Variants in SLC12A2 observed in about 807,000 individuals in gnomAD.
The protein encoded by SLC12A2 is solute carrier family 12 member 2.
In SLC12A2, 67 loss-of-function variants were observed where a neutral mutation model predicts 136.3. The observed-to-expected ratio is 0.49, with a 90% CI of 0.40 to 0.60. SLC12A2 has a LOEUF of 0.60. Ranked by LOEUF, SLC12A2 falls within the 20% of genes least tolerant of loss-of-function variation. The pLI is 0.00. For missense variants in SLC12A2, 1,322 were observed against 1,534.7 expected (o/e 0.86, Z 2.32); for synonymous variants, 619 against 562.9 (o/e 1.10, Z -1.41).
At chr5:128,126,296 C>T (rs1420868383) in intron 4 of SLC12A2, among the ~76,000 whole-genome samples, 1 of 152,072 alleles carries the variant, frequency 6.6e-6, no homozygotes, top group Non-Finnish European at 1.5e-5. Context: ...AGAAGATATA[C>T]AAATGGCAAG....
chr5:128,182,605 G>A (rs1005921100), intron 23 of SLC12A2, among the ~76,000 whole-genome samples: 2 of 152,018 alleles, frequency 1.3e-5, no homozygotes, highest in Admixed American at 6.6e-5. Context: ...TATTATTAAT[G>A]TCTTTGTCCA....
chr5:128,090,886 G>A (rs1184784379), intron 1 of SLC12A2, among the ~76,000 whole-genome samples: 6 of 152,124 alleles, frequency 3.9e-5, no homozygotes, highest in Non-Finnish European at 5.9e-5. Flanking sequence ...ACCAAATAGC[G>A]CAGAACCTTG....
At chr5:128,162,127 TTG>T in intron 17 of SLC12A2, among the ~76,000 whole-genome samples, 1 of 152,290 alleles carries the variant, frequency 6.6e-6, no homozygotes, top group East Asian at 1.9e-4. Flanking sequence ...TCCGTTTCTG[TTG>T]TGTGTTTCTT....
chr5:128,125,524 A>G (rs771135883), intron 4 of SLC12A2, among the ~76,000 whole-genome samples: 1 of 152,116 alleles, frequency 6.6e-6, no homozygotes, highest in Non-Finnish European at 1.5e-5. Context: ...ACTGATTTGT[A>G]GATTTTTCTA....
chr5:128,124,838 T>C (rs924343678), intron 4 of SLC12A2, among the ~76,000 whole-genome samples: 1 of 152,162 alleles, frequency 6.6e-6, no homozygotes, highest in Non-Finnish European at 1.5e-5. Context: ...AATCACATAG[T>C]TGTTCCTCTA....
intron 1 of SLC12A2, chr5:128,109,797 G>C (rs556099189): frequency 1.2e-6 from 1 of 813,552 alleles, no homozygotes; most frequent in African/African-American, 1.7e-5. Context: ...ATGTGTGCAG[G>C]CTACAAAAAT....
Position 128,149,902 on chromosome 5 carries a change from TGTTAC to T in SLC12A2, c.2006-91_2006-87del, listed in dbSNP as rs1023079577. 1.0e-4 allele frequency: 82 copies of T among 807,364 alleles called. 1 individual carries two copies. The highest frequency in any genetic ancestry group is 9.4e-4 in the East Asian group (37 of 39,164). The allele number at this position is 807,364 out of a possible 1,614,324, so 50.0% of individuals were successfully genotyped here. On this transcript the variant is annotated intron_variant, in intron 12 of 26. Coordinates refer to ENST00000262461, the MANE Select transcript of SLC12A2 (RefSeq NM_001046.3). ...TGAAAGCTGGATGGTGGTTATGGGG[TGTTAC>T]GTTGTTATCTAAAGATTTGAAATAC...
chr5:128,101,739 A>C lies in SLC12A2; in HGVS notation c.757-11075A>C, dbSNP rs574729964. On this transcript the variant is annotated intron_variant, in intron 1 of 26. Transcript: ENST00000262461. ...TGTAAAGTGTGTATCAGTGCCACTA[A>C]GGCAAATAGGAAAGAGTTTATCATT... is the stretch of plus-strand genomic sequence containing the variant. 2.0e-5 allele frequency among the ~76,000 whole-genome samples: 3 copies of C among 152,346 alleles called. No individual in the cohort carries two copies. The South Asian group carries it at 6.2e-4, about 32-fold the overall frequency.
chr5:128,121,130 A>T (rs1047010577), intron 4 of SLC12A2, among the ~76,000 whole-genome samples: 1 of 152,212 alleles, frequency 6.6e-6, no homozygotes, highest in Non-Finnish European at 1.5e-5. Context: ...TTTAGAGATT[A>T]AACAGATATC....
At chr5:128,103,213 T>C (rs1760808221) in intron 1 of SLC12A2, among the ~76,000 whole-genome samples, 1 of 152,212 alleles carries the variant, frequency 6.6e-6, no homozygotes, top group Non-Finnish European at 1.5e-5. Context: ...ACCGGGATCA[T>C]ATGAGAGTTT....
intron 12 of SLC12A2, 128 bp downstream of exon 12, chr5:128,149,005 A>G: frequency 1.3e-6 from 1 of 772,562 alleles, no homozygotes; most frequent in Non-Finnish European, 2.0e-6. Context: ...AAAGTTTATA[A>G]AGTACTGTAA....
chr5:128,089,014 C>A (rs186441853), intron 1 of SLC12A2, among the ~76,000 whole-genome samples: 2,541 of 151,812 alleles, frequency 0.017, 61 homozygotes, highest in African/African-American at 0.055. Context: ...ACTAAAAATA[C>A]AAAATTAGCC....
intron 25 of SLC12A2, 112 bp from the exon 26 acceptor site, chr5:128,184,677 T>C (rs1763813852): frequency 6.5e-7 from 1 of 1,545,018 alleles, no homozygotes; most frequent in South Asian, 1.2e-5. Flanking sequence ...AACAGATATT[T>C]TTATTACACG....
At chr5:128,130,949 A>T in intron 4 of SLC12A2, 118 bp from the exon 5 acceptor site, 1 of 877,744 alleles carries the variant, frequency 1.1e-6, no homozygotes, top group Non-Finnish European at 1.8e-6. Flanking sequence ...TTGCCTCTTT[A>T]ACTGCTCTGC....
intron 1 of SLC12A2, among the ~76,000 whole-genome samples, chr5:128,104,489 G>A (rs1760856817): frequency 2.6e-5 from 4 of 151,878 alleles, no homozygotes; most frequent in South Asian, 4.1e-4. Flanking sequence ...AAAATTAGCC[G>A]GACGTGGTGG....
intron 10 of SLC12A2, among the ~76,000 whole-genome samples, chr5:128,147,091 T>G (rs1281821973): frequency 6.6e-6 from 1 of 151,194 alleles, no homozygotes; most frequent in African/African-American, 2.4e-5. Flanking sequence ...CCTTTTTTTT[T>G]TTTTTTTTGG....
At chr5:128,130,965 G>T in intron 4 of SLC12A2, 102 bp from the exon 5 acceptor site, 1 of 1,046,292 alleles carries the variant, frequency 9.6e-7, no homozygotes, top group South Asian at 1.4e-5. Flanking sequence ...TCTGCTTATT[G>T]GGGGCATCTG....
chr5:128,139,497 A>G (rs1762291154), intron 9 of SLC12A2, among the ~76,000 whole-genome samples: 1 of 152,186 alleles, frequency 6.6e-6, no homozygotes. Context: ...GATCAACTTG[A>G]AAGGACTTAA....
intron 17 of SLC12A2, 67 bp downstream of exon 17, chr5:128,161,867 A>T: frequency 9.1e-7 from 1 of 1,095,384 alleles, no homozygotes. Context: ...AAACTTTTTA[A>T]TTCTAGATTT....
Sources: allele counts gnomAD v4.1 joint callset (sites outside exome capture counted in the v4.1 genomes callset), GRCh38; gene constraint gnomAD v4.1.1; transcripts MANE v1.5; gene names NCBI Gene and HGNC (gene_info 2026-07-23, HGNC 2026-07-21).